SMG6: variants seen among roughly 807,000 people sequenced by gnomAD.
SMG6 encodes telomerase-binding protein EST1A.
Under a neutral mutation model 142.2 loss-of-function variants are expected in SMG6, and 66 were observed. The observed-to-expected ratio is 0.46, with a 90% CI of 0.38 to 0.57. SMG6 has a LOEUF of 0.57. Ranked by LOEUF, SMG6 falls within the 20% of genes least tolerant of loss-of-function variation. The pLI, the probability that SMG6 is intolerant of heterozygous loss-of-function variation, is 0.00. For missense variants in SMG6, 1,793 were observed against 1,832.0 expected, an observed-to-expected ratio of 0.98 and a Z score of 0.39; for synonymous variants, 779 against 702.4, an observed-to-expected ratio of 1.11 and a Z score of -1.72.
intron 13 of SMG6, among the ~76,000 whole-genome samples, chr17:2,106,566 C>A (rs1245064457): frequency 6.6e-6 from 1 of 152,046 alleles, no homozygotes; most frequent in East Asian, 1.9e-4. Flanking sequence ...GTCTTATGTC[C>A]CACAGGAATA....
At chr17:2,111,243 T>C (rs765358066) in intron 13 of SMG6, among the ~76,000 whole-genome samples, 1 of 152,024 alleles carries the variant, frequency 6.6e-6, no homozygotes, top group East Asian at 1.9e-4. Flanking sequence ...AAGCAGACAG[T>C]AGTGGGAAGT....
intron 13 of SMG6, among the ~76,000 whole-genome samples, chr17:2,129,915 T>C (rs2070052441): frequency 1.3e-5 from 2 of 151,550 alleles, no homozygotes; most frequent in Non-Finnish European, 2.9e-5. Flanking sequence ...GTTACCATTA[T>C]AGAACAAGAC....
At position 2,244,725 on chromosome 17, in the gene SMG6, T is replaced by C. The variant is rs181942307; in HGVS notation, c.2662-6A>G. ...AGGATGAACCTTTTGTTCAGCTGCATGGGAAAAAGGGAGAGGAGAAAACAA... is the reference window on the plus strand; with the variant it reads ...AGGATGAACCTTTTGTTCAGCTGCACGGGAAAAAGGGAGAGGAGAAAACAA... On this transcript the variant is annotated splice_polypyrimidine_tract_variant and splice_region_variant and intron_variant, in intron 8 of 18. Transcript: ENST00000263073. 74 of 1,612,794 alleles carry C rather than the reference T, an allele frequency of 4.6e-5. No individual in the cohort carries two copies. The East Asian group carries it at 9.4e-4, about 20-fold the overall frequency.
At chr17:2,289,574 C>T (rs1403592532) in intron 6 of SMG6, among the ~76,000 whole-genome samples, 1 of 151,976 alleles carries the variant, frequency 6.6e-6, no homozygotes, top group Non-Finnish European at 1.5e-5. Context: ...TATATACACA[C>T]ATATATATGT....
chr17:2,133,983 C>T (rs936893818), intron 13 of SMG6, among the ~76,000 whole-genome samples: 4 of 152,100 alleles, frequency 2.6e-5, no homozygotes, highest in Admixed American at 1.3e-4. Context: ...TGGTAGAGCC[C>T]GAACACTAGC....
At chr17:2,203,722 A>G (rs549853288) in intron 10 of SMG6, among the ~76,000 whole-genome samples, 14 of 152,292 alleles carry the variant, frequency 9.2e-5, no homozygotes, top group African/African-American at 3.4e-4. Flanking sequence ...AAATATAGCT[A>G]TATCACTTTT....
intron 10 of SMG6, among the ~76,000 whole-genome samples, chr17:2,220,887 A>G (rs1022598097): frequency 6.6e-6 from 1 of 152,200 alleles, no homozygotes; most frequent in South Asian, 2.1e-4. Context: ...TTTCTACTTT[A>G]CCTTTTTTAG....
Position 2,292,770 on chromosome 17 carries a change from A to G in SMG6, c.2258+101T>C, listed in dbSNP as rs1014851362. On this transcript the variant is annotated intron_variant, in intron 5 of 18. Coordinates refer to ENST00000263073, the MANE Select transcript of SMG6 (RefSeq NM_017575.5). Reference sequence around the variant, plus strand: ...GGGTAAGGCATGACTACAGGGACCAATAGGGACACCTGTACAACACCCACA... The same window carrying G: ...GGGTAAGGCATGACTACAGGGACCAGTAGGGACACCTGTACAACACCCACA... 5.1e-6 allele frequency: 7 copies of G among 1,374,458 alleles called. No homozygotes were observed. In the African/African-American group the frequency reaches 5.7e-5, roughly 11 times the overall value. 85.1% of individuals were successfully genotyped at this position (1,374,458 alleles called of 1,614,324 possible). A position where few individuals can be genotyped will look rare whatever the true frequency, so the allele number is the denominator to read the frequency against.
At chr17:2,115,216 C>T (rs1291686330) in intron 13 of SMG6, among the ~76,000 whole-genome samples, 1 of 151,978 alleles carries the variant, frequency 6.6e-6, no homozygotes, top group Admixed American at 6.6e-5. Context: ...GAGTGTTTAA[C>T]ACTGGCAGTA....
At chr17:2,109,608 T>C (rs571989885) in intron 13 of SMG6, among the ~76,000 whole-genome samples, 4 of 152,318 alleles carry the variant, frequency 2.6e-5, no homozygotes, top group South Asian at 2.1e-4. Context: ...AGATTAAGAA[T>C]AGGATTAGAG....
chr17:2,267,063 C>T (rs1438249242), intron 8 of SMG6, among the ~76,000 whole-genome samples: 3 of 152,218 alleles, frequency 2.0e-5, no homozygotes, highest in Admixed American at 1.3e-4. Context: ...GCAGTTCACA[C>T]ACTTTTCAAA....
Position 2,189,784 on chromosome 17 carries a change from G to T in SMG6, c.2870-1269C>A, listed in dbSNP as rs1402349894. Among the ~76,000 whole-genome samples the T allele has an allele frequency of 2.0e-5, 3 of 151,688 alleles. No individual in the cohort carries two copies. The East Asian group carries it at 5.8e-4, about 29-fold the overall frequency. On this transcript the variant is annotated intron_variant, in intron 10 of 18. Coordinates refer to ENST00000263073, the MANE Select transcript of SMG6 (RefSeq NM_017575.5). ...ACAAAGCCAGCCCCAACCCACTTCTGAAAGTACTGGGTGTAAGAAGGAGCA... is the reference window on the plus strand; with the variant it reads ...ACAAAGCCAGCCCCAACCCACTTCTTAAAGTACTGGGTGTAAGAAGGAGCA...
chr17:2,294,263 A>T (rs1380837416), intron 4 of SMG6, among the ~76,000 whole-genome samples: 1 of 152,262 alleles, frequency 6.6e-6, no homozygotes, highest in East Asian at 1.9e-4. Context: ...ATGAATGAAC[A>T]TCCCCAAAGG....
At chr17:2,273,617 T>C (rs2074586768) in intron 8 of SMG6, among the ~76,000 whole-genome samples, 1 of 151,330 alleles carries the variant, frequency 6.6e-6, no homozygotes, top group African/African-American at 2.4e-5. Context: ...CGGGCAACAG[T>C]GTGAGACTTT....
intron 14 of SMG6, among the ~76,000 whole-genome samples, chr17:2,083,051 G>C (rs2068466604): frequency 6.6e-6 from 1 of 152,174 alleles, no homozygotes; most frequent in African/African-American, 2.4e-5. Flanking sequence ...GGGTCACATG[G>C]CTAGTAAAGG....
At chr17:2,079,354 T>C (rs909013189) in intron 15 of SMG6, among the ~76,000 whole-genome samples, 3 of 151,894 alleles carry the variant, frequency 2.0e-5, no homozygotes, top group East Asian at 1.9e-4. Flanking sequence ...GGAAAACAGA[T>C]GGTAAGGAAG....
intron 10 of SMG6, among the ~76,000 whole-genome samples, chr17:2,212,340 G>A (rs2072889215): frequency 6.6e-6 from 1 of 152,182 alleles, no homozygotes; most frequent in African/African-American, 2.4e-5. Flanking sequence ...CGAGGAAAAA[G>A]AAAGGGGATC....
chr17:2,230,217 AAAAAG>A (rs1225097653), intron 10 of SMG6, among the ~76,000 whole-genome samples: 971 of 66,186 alleles, frequency 0.015, 113 homozygotes, highest in Non-Finnish European at 0.019. Context: ...AAAAAAAAAA[AAAAAG>A]GAAAAGAAAG....
intron 13 of SMG6, among the ~76,000 whole-genome samples, chr17:2,168,312 C>T (rs1185564170): frequency 6.6e-6 from 1 of 152,060 alleles, no homozygotes; most frequent in African/African-American, 2.4e-5. Context: ...CATGCCTCAG[C>T]CTCCCGAGTA....
Sources: gnomAD v4.1 joint callset for allele counts (sites outside exome capture counted in the v4.1 genomes callset) on GRCh38, gnomAD v4.1.1 for gene constraint, MANE v1.5 for transcripts, NCBI Gene and HGNC (gene_info 2026-07-23, HGNC 2026-07-21) for gene names.